THRAP3: variants seen among roughly 807,000 people sequenced by gnomAD.
THRAP3 encodes thyroid hormone receptor-associated protein 3.
Under a neutral mutation model 101.0 loss-of-function variants are expected in THRAP3, and 16 were observed. The ratio of observed to expected loss-of-function variants is 0.16; its 90% confidence interval spans 0.11 to 0.24. The LOEUF is 0.24. THRAP3 is among the 10% of genes least tolerant of loss of function. The pLI, the probability that THRAP3 is intolerant of heterozygous loss-of-function variation, is 1.00. For synonymous variants in THRAP3, 407 were observed against 422.6 expected (o/e 0.96, Z 0.45); for missense variants, 989 against 1,202.7 (o/e 0.82, Z 2.63).
At chr1:36,275,402 A>G (rs1280876568) in intron 2 of THRAP3, among the ~76,000 whole-genome samples, 1 of 150,910 alleles carries the variant, frequency 6.6e-6, no homozygotes, top group Non-Finnish European at 1.5e-5. Flanking sequence ...CCTGGCTAAC[A>G]TGGCGAAACC....
At chr1:36,263,551 T>G (rs760218750) in intron 2 of THRAP3, among the ~76,000 whole-genome samples, 8 of 152,172 alleles carry the variant, frequency 5.3e-5, no homozygotes, top group Non-Finnish European at 8.8e-5. Flanking sequence ...AGCTGAGAAT[T>G]TCTCTTAAGA....
At chr1:36,280,437 C>T (rs548211429) in intron 2 of THRAP3, among the ~76,000 whole-genome samples, 1 of 152,296 alleles carries the variant, frequency 6.6e-6, no homozygotes, top group South Asian at 2.1e-4. Flanking sequence ...AAGATACATA[C>T]TGGACCTAGA....
intron 7 of THRAP3, 96 bp from the exon 8 acceptor site, chr1:36,293,755 T>TG: frequency 1.0e-6 from 1 of 1,004,612 alleles, no homozygotes; most frequent in Non-Finnish European, 1.5e-6. Flanking sequence ...GGAAAAATAA[T>TG]GCCTGTGAAT....
chr1:36,256,201 A>ATTG (rs746928927), intron 1 of THRAP3, among the ~76,000 whole-genome samples: 2 of 146,514 alleles, frequency 1.4e-5, no homozygotes, highest in Non-Finnish European at 3.0e-5. Context: ...TATTATTATT[A>ATTG]TTATTATTGT....
chr1:36,241,622 A>G (rs1195806300), intron 1 of THRAP3, among the ~76,000 whole-genome samples: 2 of 144,340 alleles, frequency 1.4e-5, no homozygotes, highest in East Asian at 4.0e-4. Context: ...TCTGTTGCCC[A>G]GGCTGGAGTG....
At chr1:36,256,235 T>C (rs1289779438) in intron 1 of THRAP3, among the ~76,000 whole-genome samples, 1 of 150,164 alleles carries the variant, frequency 6.7e-6, no homozygotes, top group Non-Finnish European at 1.5e-5. Context: ...ATTATTATTA[T>C]TACTTTTTGA....
chr1:36,293,640 CTGTGTGTGTGTGTG>C (rs577292328), intron 7 of THRAP3, among the ~76,000 whole-genome samples, 197 bp from the exon 8 acceptor site: 6 of 133,416 alleles, frequency 4.5e-5, no homozygotes, highest in East Asian at 4.5e-4. Flanking sequence ...GAACCTGGGA[CTGTGTGTGTGTGTG>C]TGTGTGTGTG....
chr1:36,285,474 T>C (rs115666308), intron 3 of THRAP3, among the ~76,000 whole-genome samples: 102 of 152,368 alleles, frequency 6.7e-4, no homozygotes, highest in African/African-American at 2.4e-3. Flanking sequence ...GTTAGGTTAC[T>C]ATCAAGTCTC....
chr1:36,300,621 G>A lies in THRAP3; in HGVS notation c.2304-265G>A, dbSNP rs137958926. Among the ~76,000 whole-genome samples, 28 of 152,258 alleles carry A rather than the reference G, an allele frequency of 1.8e-4. 1 individual carries two copies. The East Asian group carries it at 5.4e-3, about 29-fold the overall frequency. On this transcript the variant is annotated intron_variant, in intron 9 of 11. Transcript: ENST00000354618. Reference sequence around the variant, plus strand: ...TTAGACTGAGCTCCTGGAGGCCATGGACTGTGTTTTGTTCCTGCTTCTATG... The same window carrying A: ...TTAGACTGAGCTCCTGGAGGCCATGAACTGTGTTTTGTTCCTGCTTCTATG...
At chr1:36,232,859 C>T (rs1645043512) in intron 1 of THRAP3, among the ~76,000 whole-genome samples, 1 of 146,512 alleles carries the variant, frequency 6.8e-6, no homozygotes, top group Non-Finnish European at 1.5e-5. Context: ...TATGTTTTGT[C>T]AAAACTCATC....
At chr1:36,210,372 A>AG in the THRAP3 span, among the ~76,000 whole-genome samples, 1 of 148,924 alleles carries the variant, frequency 6.7e-6, no homozygotes, top group Non-Finnish European at 1.5e-5. Context: ...TCTCAAAAAA[A>AG]AAAAAAAAAA....
chr1:36,217,016 C>A, the THRAP3 span, among the ~76,000 whole-genome samples: 13 of 152,146 alleles, frequency 8.5e-5, no homozygotes, highest in African/African-American at 1.4e-4. Context: ...AGGGAAGGGA[C>A]CACATCTGTT....
Position 36,289,457 on chromosome 1 carries a change from G to C in THRAP3, c.1438G>C (p.Gly480Arg). The C allele has an allele frequency of 6.2e-7, 1 of 1,614,234 alleles. No homozygotes were observed. The highest frequency in any genetic ancestry group is 8.5e-7 in the Non-Finnish European group (1 of 1,180,050). ...KWEGLVYAPP[G>R]KEKQRKTEEL... ...GGAGGGCCTGGTATATGCACCTCCA[G>C]GGAAGGAAAAGCAGAGAAAAACAGA... The change falls in exon 5 of 12, where the codon GGG (glycine) becomes CGG (arginine). Residue 480 changes from glycine (G) to arginine (R), a missense_variant. Coordinates refer to ENST00000354618, the MANE Select transcript of THRAP3 (RefSeq NM_005119.4).
intron 1 of THRAP3, among the ~76,000 whole-genome samples, chr1:36,241,424 TATATACAC>T (rs1645159059): frequency 7.5e-6 from 1 of 134,202 alleles, no homozygotes; most frequent in African/African-American, 3.0e-5. Flanking sequence ...TATATATATA[TATATACAC>T]ATATATAAAT....
At chr1:36,250,988 C>G (rs1345739635) in intron 1 of THRAP3, among the ~76,000 whole-genome samples, 2 of 151,972 alleles carry the variant, frequency 1.3e-5, no homozygotes, top group Non-Finnish European at 2.9e-5. Context: ...CTCAAGTGAT[C>G]CGCCCACCTT....
chr1:36,230,444 G>A (rs1034036059), intron 1 of THRAP3, among the ~76,000 whole-genome samples: 1 of 151,284 alleles, frequency 6.6e-6, no homozygotes, highest in Non-Finnish European at 1.5e-5. Flanking sequence ...GTATTTTTTA[G>A]TAGAGATGAG....
the THRAP3 span, among the ~76,000 whole-genome samples, chr1:36,213,491 TA>T: frequency 0.096 from 14,608 of 151,988 alleles, 1,637 homozygotes; most frequent in East Asian, 0.51. Flanking sequence ...ATATGGCAGA[TA>T]AGATAGAAGG....
chr1:36,279,347 G>C (rs1645703056), intron 2 of THRAP3, among the ~76,000 whole-genome samples: 1 of 152,068 alleles, frequency 6.6e-6, no homozygotes, highest in South Asian at 2.1e-4. Flanking sequence ...AGATATCCCT[G>C]AACTTGTGAC....
chr1:36,238,730 A>G (rs1453536858), intron 1 of THRAP3, among the ~76,000 whole-genome samples: 1 of 152,014 alleles, frequency 6.6e-6, no homozygotes, highest in Non-Finnish European at 1.5e-5. Flanking sequence ...TTTGGAGACA[A>G]GGTCTTATTT....
Sources: allele counts gnomAD v4.1 joint callset (sites outside exome capture counted in the v4.1 genomes callset), GRCh38; gene constraint gnomAD v4.1.1; transcripts MANE v1.5; gene names NCBI Gene and HGNC (gene_info 2026-07-23, HGNC 2026-07-21).